RBFOX1: variants seen among roughly 807,000 people sequenced by gnomAD.
RBFOX1 encodes the protein RNA binding fox-1 homolog 1.
Under a neutral mutation model 57.7 loss-of-function variants are expected in RBFOX1, and 8 were observed. The observed-to-expected ratio is 0.14, with a 90% CI of 0.08 to 0.25. The LOEUF (loss-of-function observed/expected upper bound fraction) is 0.25, where lower values mean the gene tolerates loss of function less well. Among genes scored for constraint, RBFOX1 ranks in the 10% least tolerant of loss-of-function variants. The pLI is 1.00. For missense variants in RBFOX1, 611 were observed against 548.5 expected (o/e 1.11, Z -1.14); for synonymous variants, 326 against 222.4 (o/e 1.47, Z -4.15).
At chr16:5,581,459 G>A (rs1247157452) in intron 2 of RBFOX1, among the ~76,000 whole-genome samples, 1 of 152,216 alleles carries the variant, frequency 6.6e-6, no homozygotes, top group Non-Finnish European at 1.5e-5. Flanking sequence ...TGGAGTACAC[G>A]AGTCAGTGGT....
At chr16:6,581,485 T>C (rs1567761990) in intron 2 of RBFOX1, among the ~76,000 whole-genome samples, 2 of 152,206 alleles carry the variant, frequency 1.3e-5, no homozygotes, top group Non-Finnish European at 2.9e-5. Flanking sequence ...CTCTTTTCCA[T>C]GCAGACCTCT....
At chr16:6,223,886 T>G (rs12932490) in intron 1 of RBFOX1, among the ~76,000 whole-genome samples, 147,637 of 152,098 alleles carry the variant, frequency 0.97, 71,774 homozygotes, top group South Asian at 1. Flanking sequence ...GTATGAGGTG[T>G]AAGGAAGGGA....
intron 3 of RBFOX1, among the ~76,000 whole-genome samples, chr16:6,746,159 G>A (rs1389447167): frequency 6.6e-6 from 1 of 152,118 alleles, no homozygotes; most frequent in Non-Finnish European, 1.5e-5. Context: ...AATATCGTGT[G>A]TAGGTTGAGA....
At chr16:5,725,933 G>T (rs1369619861) in intron 3 of RBFOX1, among the ~76,000 whole-genome samples, 1 of 151,936 alleles carries the variant, frequency 6.6e-6, no homozygotes, top group East Asian at 2.0e-4. Context: ...TTCCTTTGCT[G>T]ATGTGATGAC....
intron 3 of RBFOX1, among the ~76,000 whole-genome samples, chr16:5,703,088 A>C (rs765478967): frequency 2.6e-5 from 4 of 152,206 alleles, no homozygotes; most frequent in Non-Finnish European, 4.4e-5. Context: ...GATGATGATG[A>C]AAAAGATGCC....
At chr16:6,770,815 G>A (rs953609273) in intron 3 of RBFOX1, among the ~76,000 whole-genome samples, 16 of 152,154 alleles carry the variant, frequency 1.1e-4, no homozygotes, top group Non-Finnish European at 1.5e-4. Flanking sequence ...GGGAGGAAAT[G>A]AGCAATGGAG....
intron 4 of RBFOX1, among the ~76,000 whole-genome samples, chr16:7,237,320 G>A (rs2093818204): frequency 6.6e-6 from 1 of 152,144 alleles, no homozygotes; most frequent in Admixed American, 6.5e-5. Context: ...ATTTGAATGA[G>A]TCATCAGAGT....
At chr16:7,120,862 C>CACAT (rs1168387316) in intron 4 of RBFOX1, among the ~76,000 whole-genome samples, 14 of 143,818 alleles carry the variant, frequency 9.7e-5, no homozygotes, top group Middle Eastern at 3.5e-3. Context: ...CACACACATA[C>CACAT]GTAAACATAT....
Position 6,226,634 on chromosome 16 carries a change from G to A in RBFOX1, c.-126-90361G>A, listed in dbSNP as rs1225294340. On this transcript the variant is annotated intron_variant, in intron 1 of 15. Transcript: ENST00000550418. ...AAGTCAAAAGAATTACTCATTGAAA[G>A]CATTGGCCTCCAAGAGCATTTTCTC... Among the ~76,000 whole-genome samples, 8 of 152,100 alleles carry A rather than the reference G, an allele frequency of 5.3e-5. No homozygotes were observed. The East Asian group carries it at 1.2e-3, about 22-fold the overall frequency.
chr16:7,244,111 A>G (rs1373599123), intron 4 of RBFOX1, among the ~76,000 whole-genome samples: 3 of 152,110 alleles, frequency 2.0e-5, no homozygotes, highest in African/African-American at 4.8e-5. Flanking sequence ...AGGTCAGTCT[A>G]CAGCTCAATC....
At chr16:6,656,327 A>G (rs563928768) in intron 3 of RBFOX1, among the ~76,000 whole-genome samples, 178 of 152,314 alleles carry the variant, frequency 1.2e-3, no homozygotes, top group African/African-American at 3.8e-3. Context: ...TTAATTGCCA[A>G]TAGTGCTTGA....
intron 2 of RBFOX1, among the ~76,000 whole-genome samples, chr16:5,572,434 G>C (rs80240920): frequency 2.0e-5 from 3 of 152,130 alleles, no homozygotes; most frequent in Non-Finnish European, 4.4e-5. Context: ...TAACATTTTG[G>C]GTCACTTTGT....
intron 15 of RBFOX1, 46 bp from the exon 16 acceptor site, chr16:7,710,577 A>G (rs763806016): frequency 6.2e-7 from 1 of 1,607,966 alleles, no homozygotes; most frequent in East Asian, 2.2e-5. Flanking sequence ...CACATGTTGC[A>G]AAAGGAAAAT....
At chr16:5,601,767 G>A (rs1483270069), downstream of RBFOX1, 1 of 152,234 alleles carries the variant, frequency 6.6e-6, no homozygotes, top group Admixed American at 6.5e-5. Context: ...TGGTGGCACA[G>A]AAGCTTTTGA....
At chr16:6,918,035 C>T (rs1430140922) in intron 3 of RBFOX1, among the ~76,000 whole-genome samples, 1 of 152,098 alleles carries the variant, frequency 6.6e-6, no homozygotes, top group African/African-American at 2.4e-5. Context: ...GCCTGTAATC[C>T]CAGCACTTTG....
At chr16:5,845,123 C>T (rs1186997655) in intron 3 of RBFOX1, among the ~76,000 whole-genome samples, 1 of 149,496 alleles carries the variant, frequency 6.7e-6, no homozygotes, top group Non-Finnish European at 1.5e-5. Context: ...GGCCTGTATT[C>T]CCAAATCCCT....
intron 10 of RBFOX1, among the ~76,000 whole-genome samples, chr16:7,619,003 A>G (rs571777807): frequency 6.6e-6 from 1 of 152,358 alleles, no homozygotes; most frequent in Non-Finnish European, 1.5e-5. Flanking sequence ...GCTACGTTCT[A>G]ATGAGTTTTT....
chr16:5,756,197 C>T (rs1392109293), intron 3 of RBFOX1, among the ~76,000 whole-genome samples: 1 of 141,060 alleles, frequency 7.1e-6, no homozygotes, highest in Admixed American at 7.2e-5. Flanking sequence ...TTTCTGTGAA[C>T]CCCCTTCTTA....
intron 3 of RBFOX1, among the ~76,000 whole-genome samples, chr16:6,911,333 G>C (rs1389465074): frequency 6.6e-6 from 1 of 152,118 alleles, no homozygotes; most frequent in Non-Finnish European, 1.5e-5. Context: ...CACTTGTGGA[G>C]GCCAGAAGTC....
Sources: gnomAD v4.1 joint callset for allele counts (sites outside exome capture counted in the v4.1 genomes callset) on GRCh38, gnomAD v4.1.1 for gene constraint, MANE v1.5 for transcripts, NCBI Gene and HGNC (gene_info 2026-07-23, HGNC 2026-07-21) for gene names.